The following NRXN3 variants were observed in gnomAD, a reference collection of about 807,000 sequenced individuals.
The protein encoded by NRXN3 is neurexin 3.
Under a neutral mutation model 137.6 loss-of-function variants are expected in NRXN3, and 32 were observed. The ratio of observed to expected loss-of-function variants is 0.23; its 90% confidence interval spans 0.18 to 0.31. The LOEUF (loss-of-function observed/expected upper bound fraction) is 0.31. NRXN3 is among the 10% of genes least tolerant of loss of function. The pLI is 1.00. For synonymous variants in NRXN3, 798 were observed against 784.5 expected, an observed-to-expected ratio of 1.02 and a Z score of -0.29; for missense variants, 1,574 against 2,062.5, an observed-to-expected ratio of 0.76 and a Z score of 4.59.
chr14:78,238,195 G>T (rs1274917485), intron 1 of NRXN3, among the ~76,000 whole-genome samples: 1 of 132,422 alleles, frequency 7.6e-6, no homozygotes, highest in Non-Finnish European at 1.5e-5. Context: ...TGAGACATTT[G>T]CAAAGATGTT....
intron 15 of NRXN3, among the ~76,000 whole-genome samples, chr14:79,301,554 C>T (rs567949158): frequency 6.6e-6 from 1 of 152,108 alleles, no homozygotes; most frequent in Non-Finnish European, 1.5e-5. Context: ...CCTTGTGTGA[C>T]AGAAGTGAAA....
intron 6 of NRXN3, among the ~76,000 whole-genome samples, chr14:78,691,019 C>CTGA (rs566744161): frequency 1.5e-3 from 230 of 152,108 alleles, no homozygotes; most frequent in African/African-American, 5.4e-3. Flanking sequence ...GGAAAAGGAG[C>CTGA]TGACAGAAAA....
intron 10 of NRXN3, among the ~76,000 whole-genome samples, chr14:78,889,564 A>G (rs1471245343): frequency 6.6e-6 from 1 of 152,006 alleles, no homozygotes; most frequent in Non-Finnish European, 1.5e-5. Context: ...AGACATTGCA[A>G]TAATGTTCTA....
intron 19 of NRXN3, among the ~76,000 whole-genome samples, chr14:79,744,624 A>T (rs150643081): frequency 4.1e-4 from 63 of 152,332 alleles, no homozygotes; most frequent in African/African-American, 1.4e-3. Context: ...GTAAATTCCT[A>T]ACAATGGAAT....
At chr14:79,027,217 A>C (rs559323385) in intron 15 of NRXN3, among the ~76,000 whole-genome samples, 97 of 151,650 alleles carry the variant, frequency 6.4e-4, no homozygotes, top group African/African-American at 2.2e-3. Context: ...GAAAAGCAAC[A>C]CCCTACCAGA....
intron 14 of NRXN3, among the ~76,000 whole-genome samples, chr14:78,969,640 T>G (rs1034643613): frequency 5.9e-5 from 9 of 152,220 alleles, no homozygotes; most frequent in Non-Finnish European, 1.0e-4. Flanking sequence ...AAAAGCTTCC[T>G]GTCAGCTTAT....
intron 5 of NRXN3, among the ~76,000 whole-genome samples, chr14:78,649,549 TC>T (rs1566972012): frequency 6.8e-6 from 1 of 148,050 alleles, no homozygotes; most frequent in South Asian, 2.2e-4. Flanking sequence ...TTCAATTTTT[TC>T]CCCCAAAAAA....
At chr14:79,093,925 T>C (rs2049726816) in intron 15 of NRXN3, among the ~76,000 whole-genome samples, 1 of 151,854 alleles carries the variant, frequency 6.6e-6, no homozygotes, top group Admixed American at 6.6e-5. Flanking sequence ...TTTTTTCCCC[T>C]CTCAAATAAA....
chr14:78,364,588 G>A (rs2085623742), intron 4 of NRXN3, among the ~76,000 whole-genome samples: 1 of 152,164 alleles, frequency 6.6e-6, no homozygotes, highest in Non-Finnish European at 1.5e-5. Context: ...ATGGATACAT[G>A]TGTCATACGT....
At chr14:78,454,674 T>A (rs2094640253) in intron 4 of NRXN3, among the ~76,000 whole-genome samples, 1 of 152,074 alleles carries the variant, frequency 6.6e-6, no homozygotes, top group South Asian at 2.1e-4. Context: ...GAGAAAAACA[T>A]AAGGTGCTAT....
rs930107862 is a variant in NRXN3 at position 78,908,332 on chromosome 14, A to G, written c.2276-48910A>G. ...TTTCAGAGGTTTATTTTACAAACCC[A>G]TAGTAGTCAGTCATGATACTTTGGT... On this transcript the variant is annotated intron_variant, in intron 10 of 20. Transcript: ENST00000335750. 3.3e-5 allele frequency among the ~76,000 whole-genome samples: 5 copies of G among 152,180 alleles called. No individual in the cohort carries two copies. The South Asian group carries it at 6.2e-4, about 19-fold the overall frequency.
chr14:78,448,329 G>A (rs2094470286), intron 4 of NRXN3, among the ~76,000 whole-genome samples: 2 of 152,328 alleles, frequency 1.3e-5, no homozygotes, highest in African/African-American at 4.8e-5. Flanking sequence ...ATATTACACA[G>A]CACTCATGGC....
Position 78,200,602 on chromosome 14 carries a change from T to G in NRXN3, c.-704+29928T>G, listed in dbSNP as rs995647204. Among the ~76,000 whole-genome samples the G allele has an allele frequency of 5.3e-5, 8 of 152,310 alleles. No individual in the cohort carries two copies. The South Asian group carries it at 6.2e-4, about 12-fold the overall frequency. On this transcript the variant is annotated intron_variant, in intron 1 of 20. Transcript: ENST00000335750. ...TAGCTGTAGAGTATGCTGGGGTAAG[T>G]GATGGTATGGTGTCCTAGACAGATC...
At chr14:78,365,118 T>C (rs537523102) in intron 4 of NRXN3, among the ~76,000 whole-genome samples, 1 of 152,300 alleles carries the variant, frequency 6.6e-6, no homozygotes, top group East Asian at 1.9e-4. Flanking sequence ...GTAGGTTTTA[T>C]AGTTAATGTA....
chr14:79,060,238 G>A (rs1025258700), intron 15 of NRXN3, among the ~76,000 whole-genome samples: 15 of 152,208 alleles, frequency 9.9e-5, no homozygotes, highest in African/African-American at 3.6e-4. Context: ...AAGCCAAGAA[G>A]CCTTAAGATA....
At chr14:79,830,791 C>T (rs1266627128) in intron 20 of NRXN3, among the ~76,000 whole-genome samples, 1 of 152,194 alleles carries the variant, frequency 6.6e-6, no homozygotes, top group Non-Finnish European at 1.5e-5. Context: ...TCTACCTTCT[C>T]TCTCACTGAC....
intron 1 of NRXN3, among the ~76,000 whole-genome samples, chr14:78,181,883 C>T (rs1216253989): frequency 6.6e-6 from 1 of 152,068 alleles, no homozygotes; most frequent in African/African-American, 2.4e-5. Context: ...TTTGTTCATC[C>T]AGCAGATATT....
At chr14:79,246,744 C>T (rs1308635213) in intron 15 of NRXN3, 1 of 152,106 alleles carries the variant, frequency 6.6e-6, no homozygotes, top group Non-Finnish European at 1.5e-5. Context: ...GTTTTGTTTT[C>T]CCTGCAACAA....
chr14:78,947,779 CTG>C (rs1356349167), intron 10 of NRXN3, among the ~76,000 whole-genome samples: 1 of 152,164 alleles, frequency 6.6e-6, no homozygotes, highest in Non-Finnish European at 1.5e-5. Flanking sequence ...CTTCTGTACT[CTG>C]TGGGCTTCAT....
Sources: gnomAD v4.1 joint callset for allele counts (sites outside exome capture counted in the v4.1 genomes callset) on GRCh38, gnomAD v4.1.1 for gene constraint, MANE v1.5 for transcripts, NCBI Gene and HGNC (gene_info 2026-07-23, HGNC 2026-07-21) for gene names.